The following KCTD14 variants were observed in gnomAD, a reference collection of about 807,000 sequenced individuals.
KCTD14 encodes potassium channel tetramerization domain containing 14.
Under a neutral mutation model 5.9 loss-of-function variants are expected in KCTD14, and 7 were observed. That is an observed-to-expected ratio of 1.19 (90% CI 0.68 to 2.23). KCTD14 has a LOEUF of 2.23. Among genes scored for constraint, KCTD14 ranks in the 30% most tolerant of loss-of-function variants. The probability of loss-of-function intolerance (pLI) is 0.00; values close to 1 mark genes in which losing one functional copy is unlikely to be tolerated. For synonymous variants in KCTD14, 140 were observed against 133.1 expected (o/e 1.05, Z -0.36); for missense variants, 342 against 332.2 (o/e 1.03, Z -0.23).
chr11:78,028,612 A>G (rs1857532382), intron 2 of KCTD14, among the ~76,000 whole-genome samples: 2 of 151,864 alleles, frequency 1.3e-5, no homozygotes. Flanking sequence ...CAAAAAAAAA[A>G]AAAAAAAAGC....
At chr11:78,023,687 A>G (rs566029498), upstream of KCTD14, 3 of 158,644 alleles carry the variant, frequency 1.9e-5, no homozygotes, top group East Asian at 3.7e-4. Context: ...CTCTTCCTAT[A>G]TTTTCTTTTA....
At chr11:78,030,074 G>A (rs990310792) in intron 2 of KCTD14, among the ~76,000 whole-genome samples, 3 of 152,138 alleles carry the variant, frequency 2.0e-5, no homozygotes, top group East Asian at 1.9e-4. Flanking sequence ...GTGAGCCATC[G>A]CGCCTGGCCT....
At chr11:78,035,296 T>G (rs1234870060) in intron 2 of KCTD14, among the ~76,000 whole-genome samples, 1 of 152,050 alleles carries the variant, frequency 6.6e-6, no homozygotes, top group African/African-American at 2.4e-5. Flanking sequence ...GTTTGGCCAA[T>G]GGGAGCTTAG....
chr11:78,026,514 AG>A (rs1857470526), upstream of KCTD14, among the ~76,000 whole-genome samples: 1 of 152,166 alleles, frequency 6.6e-6, no homozygotes, highest in South Asian at 2.1e-4. Flanking sequence ...TATAATCCCA[AG>A]GGAGTGGATC....
upstream of KCTD14, among the ~76,000 whole-genome samples, chr11:78,026,696 G>A (rs1341156738): frequency 2.6e-5 from 4 of 152,158 alleles, no homozygotes; most frequent in Non-Finnish European, 5.9e-5. Context: ...TTGAGCCTAG[G>A]AGGTCAGGGC....
intron 1 of KCTD14, among the ~76,000 whole-genome samples, chr11:78,040,462 T>A (rs1050367882): frequency 2.0e-5 from 3 of 151,944 alleles, no homozygotes; most frequent in African/African-American, 7.3e-5. Context: ...TTTGTGTGTC[T>A]CTCTGCTGTT....
intron 2 of KCTD14, among the ~76,000 whole-genome samples, chr11:78,028,893 A>T (rs2136729410): frequency 6.6e-6 from 1 of 152,254 alleles, no homozygotes; most frequent in Middle Eastern, 3.4e-3. Flanking sequence ...AAACCAGGTT[A>T]TTAAATGACA....
chr11:78,027,347 G>C (rs180899420), upstream of KCTD14, among the ~76,000 whole-genome samples: 319 of 148,698 alleles, frequency 2.1e-3, no homozygotes, highest in African/African-American at 7.3e-3. Flanking sequence ...AACCTGGGCA[G>C]CATAGCAAGA....
At chr11:78,042,106 G>A (rs1382861193) in intron 1 of KCTD14, among the ~76,000 whole-genome samples, 2 of 152,224 alleles carry the variant, frequency 1.3e-5, no homozygotes, top group African/African-American at 4.8e-5. Context: ...ACAGTGAGAG[G>A]AATCTGACAT....
exon 2 of KCTD14, chr11:78,038,664 C>T (rs1857892323): frequency 2.6e-6 from 4 of 1,535,718 alleles, no homozygotes; most frequent in Non-Finnish European, 3.5e-6. Context: ...ACCTGCATAC[C>T]TAATGGGTGG....
In KCTD14 at chr11:78,016,808, C is replaced by T; in HGVS notation, c.553G>A (p.Val185Ile). The T allele has an allele frequency of 6.2e-7, 1 of 1,614,148 alleles. No homozygotes were observed. Among genetic ancestry groups the T allele is most frequent in the Non-Finnish European group, 8.5e-7 (1 of 1,180,006 alleles). Residue 185 changes from valine (V) to isoleucine (I), a missense_variant, in exon 2 of 2, where the codon GTC becomes ATC. Physicochemically the swap from Val to Ile is conservative, Grantham distance 29. Transcript: ENST00000353172. ...TTCTTATCCTGCAGAAAACACAGGA[C>T]CTCTGAATAATATGCATCCTGCTCC... ...TEEQDAYYSE[V>I]LCFLQDKKMF...
intron 2 of KCTD14, among the ~76,000 whole-genome samples, chr11:78,029,820 C>T (rs1463103050): frequency 2.0e-5 from 3 of 149,214 alleles, no homozygotes; most frequent in African/African-American, 5.0e-5. Context: ...CTCGCTCTGT[C>T]CCCCAGGCTG....
intron 1 of KCTD14, among the ~76,000 whole-genome samples, chr11:78,045,238 G>T (rs1033487838): frequency 2.6e-5 from 4 of 152,164 alleles, no homozygotes; most frequent in African/African-American, 9.7e-5. Flanking sequence ...AAGTAGCTGG[G>T]ACTACCAACA....
chr11:78,016,859 C>A lies in KCTD14; in HGVS notation c.502G>T (p.Val168Leu). 4 of 1,614,220 alleles carry A rather than the reference C, an allele frequency of 2.5e-6. No homozygotes were observed. Among genetic ancestry groups the A allele is most frequent in the Non-Finnish European group, 3.4e-6 (4 of 1,180,028 alleles). ...TCAGTTTCCACCAGGCACACAAGCA[C>A]GCTGGACTTCCGTGCTGTTATGGCT... The part of the protein sequence containing the change: ...AEAITARKSS[V>L]LVCLVETEEQ... Residue 168 changes from valine (V) to leucine (L), a missense_variant, in exon 2 of 2, where the codon GTG becomes TTG. Transcript: ENST00000353172.
chr11:78,032,744 A>C, intron 2 of KCTD14, among the ~76,000 whole-genome samples: 1 of 132,580 alleles, frequency 7.5e-6, no homozygotes, highest in African/African-American at 3.0e-5. Context: ...TCAATTTGTC[A>C]CCCAGTCTGG....
intron 1 of KCTD14, among the ~76,000 whole-genome samples, chr11:78,021,593 A>G (rs1301724495): frequency 6.6e-6 from 1 of 151,670 alleles, no homozygotes; most frequent in Non-Finnish European, 1.5e-5. Flanking sequence ...TAATTTCTCT[A>G]TTTTTTATAC....
intron 1 of KCTD14, among the ~76,000 whole-genome samples, chr11:78,044,916 C>T (rs1024336754): frequency 2.0e-5 from 3 of 152,088 alleles, no homozygotes; most frequent in African/African-American, 7.2e-5. Context: ...TGTGGGCTGT[C>T]CACATGCACA....
chr11:78,017,114 T>C lies in KCTD14; in HGVS notation c.247A>G (p.Ser83Gly). The change falls in exon 2 of 2, where the codon AGC becomes GGC. Residue 83 changes from serine to glycine, a missense_variant. By Grantham distance (56) the Ser-to-Gly change is moderately conservative (BLOSUM62 0). Transcript: ENST00000353172. ...TCCAGGATGGGTCTGAAATAGGTGC[T>C]GGGGCGGTCGATGAAGAAGCGGCCC... is the stretch of plus-strand genomic sequence containing the variant. ...AEGRFFIDRP[S>G]TYFRPILDYL... 2 of 1,614,170 alleles carry C rather than the reference T, an allele frequency of 1.2e-6. No individual in the cohort carries two copies. Among genetic ancestry groups the C allele is most frequent in the South Asian group, 2.2e-5 (2 of 91,082 alleles).
chr11:78,041,711 A>G (rs928108468), intron 1 of KCTD14, among the ~76,000 whole-genome samples: 5 of 152,082 alleles, frequency 3.3e-5, no homozygotes, highest in African/African-American at 9.7e-5. Flanking sequence ...ACCATCCACC[A>G]CTGCTGTTTG....
Sources: allele counts gnomAD v4.1 joint callset (sites outside exome capture counted in the v4.1 genomes callset), GRCh38; gene constraint gnomAD v4.1.1; transcripts MANE v1.5; gene names NCBI Gene and HGNC (gene_info 2026-07-23, HGNC 2026-07-21).